Variants in ERBB4 observed in about 807,000 individuals in gnomAD.
The protein encoded by ERBB4 is erb-b2 receptor tyrosine kinase 4.
A neutral mutation model predicts 158.0 loss-of-function variants in ERBB4; 42 were observed. That is an observed-to-expected ratio of 0.27 (90% CI 0.21 to 0.34). ERBB4 has a LOEUF of 0.34. Among genes scored for constraint, ERBB4 ranks in the 10% least tolerant of loss-of-function variants. ERBB4 has a pLI of 1.00. For missense variants in ERBB4, 1,333 were observed against 1,624.1 expected, an observed-to-expected ratio of 0.82 and a Z score of 3.08; for synonymous variants, 583 against 558.7, an observed-to-expected ratio of 1.04 and a Z score of -0.61.
chr2:211,956,349 C>T (rs2081031878), intron 2 of ERBB4, among the ~76,000 whole-genome samples: 1 of 152,048 alleles, frequency 6.6e-6, no homozygotes, highest in Non-Finnish European at 1.5e-5. Context: ...GTTTTCGGCA[C>T]TTTCGTACAA....
At chr2:211,847,767 T>C (rs535162858) in intron 3 of ERBB4, among the ~76,000 whole-genome samples, 2 of 152,282 alleles carry the variant, frequency 1.3e-5, no homozygotes, top group African/African-American at 2.4e-5. Context: ...ATCACTTCTA[T>C]TACCAGTAGT....
chr2:211,535,088 AG>A (rs2125671322), intron 20 of ERBB4, among the ~76,000 whole-genome samples: 1 of 152,184 alleles, frequency 6.6e-6, no homozygotes, highest in East Asian at 1.9e-4. Flanking sequence ...TTATTGTTAC[AG>A]TCACCTTTGT....
chr2:212,106,749 T>A (rs969202557), intron 2 of ERBB4, among the ~76,000 whole-genome samples: 1 of 152,218 alleles, frequency 6.6e-6, no homozygotes, highest in African/African-American at 2.4e-5. Context: ...CCAGGGTCCC[T>A]CTGCTGTGTG....
At chr2:212,518,709 G>C (rs1162284906) in intron 1 of ERBB4, among the ~76,000 whole-genome samples, 2 of 151,986 alleles carry the variant, frequency 1.3e-5, no homozygotes, top group Non-Finnish European at 1.5e-5. Context: ...AGCCCAAGTT[G>C]TTAAATGCAC....
chr2:212,506,298 T>G (rs1691192169), intron 1 of ERBB4, among the ~76,000 whole-genome samples: 1 of 148,544 alleles, frequency 6.7e-6, no homozygotes, highest in Non-Finnish European at 1.5e-5. Flanking sequence ...AATTATAAAT[T>G]AGGCCAATTA....
intron 1 of ERBB4, among the ~76,000 whole-genome samples, chr2:212,400,611 TTTC>T (rs1420081680): frequency 6.6e-6 from 1 of 152,196 alleles, no homozygotes; most frequent in African/African-American, 2.4e-5. Flanking sequence ...TGAATAGATT[TTTC>T]TTATTATGTA....
intron 4 of ERBB4, among the ~76,000 whole-genome samples, chr2:211,755,111 C>T (rs1035938648): frequency 2.6e-5 from 4 of 152,178 alleles, no homozygotes; most frequent in East Asian, 1.9e-4. Flanking sequence ...CAAATTAGTA[C>T]GTCTTGTTAT....
chr2:212,010,186 C>T (rs2076351002), intron 2 of ERBB4, among the ~76,000 whole-genome samples: 1 of 152,050 alleles, frequency 6.6e-6, no homozygotes, highest in Admixed American at 6.6e-5. Context: ...TATCACAAAG[C>T]TATATAACCC....
At chr2:212,251,575 T>G (rs572441757) in intron 1 of ERBB4, among the ~76,000 whole-genome samples, 1 of 151,812 alleles carries the variant, frequency 6.6e-6, no homozygotes, top group African/African-American at 2.4e-5. Flanking sequence ...TTTGGGAAAC[T>G]AGATGAAGAA....
intron 1 of ERBB4, among the ~76,000 whole-genome samples, chr2:212,207,198 TA>T (rs1279790585): frequency 6.6e-6 from 1 of 152,112 alleles, no homozygotes; most frequent in Non-Finnish European, 1.5e-5. Context: ...GAAAACTTTT[TA>T]TTAAGGATAA....
At chr2:212,530,512 C>T (rs1162478231) in intron 1 of ERBB4, among the ~76,000 whole-genome samples, 1 of 152,110 alleles carries the variant, frequency 6.6e-6, no homozygotes, top group African/African-American at 2.4e-5. Flanking sequence ...CCCATGATCT[C>T]TATTAGGCAT....
intron 3 of ERBB4, among the ~76,000 whole-genome samples, chr2:211,817,231 C>T (rs2076897669): frequency 6.6e-6 from 1 of 152,014 alleles, no homozygotes; most frequent in African/African-American, 2.4e-5. Context: ...ATTAGTGTCC[C>T]CACATTGAAT....
At chr2:211,646,170 T>C (rs1228329025) in intron 16 of ERBB4, among the ~76,000 whole-genome samples, 4 of 151,616 alleles carry the variant, frequency 2.6e-5, no homozygotes, top group Admixed American at 6.6e-5. Flanking sequence ...TATTATCGTA[T>C]ATATGTATTA....
In ERBB4 at chr2:212,016,683, G is replaced by A. The variant is rs527510939; in HGVS notation, c.235-69067C>T. Among the ~76,000 whole-genome samples the A allele has an allele frequency of 2.0e-5, 3 of 152,042 alleles. No homozygotes were observed. The East Asian group carries it at 5.8e-4, about 29-fold the overall frequency. On this transcript the variant is annotated intron_variant, in intron 2 of 27. Transcript: ENST00000342788. Reference sequence around the variant, plus strand: ...ATGAAATTCTAGAAAAATAGGACCTGTATTTTATATTTTCAGTTAATAAGC... The same window carrying A: ...ATGAAATTCTAGAAAAATAGGACCTATATTTTATATTTTCAGTTAATAAGC...
chr2:211,812,017 C>G (rs1344530570), intron 3 of ERBB4, among the ~76,000 whole-genome samples: 1 of 152,210 alleles, frequency 6.6e-6, no homozygotes. Context: ...CCTTCTGAAG[C>G]CTCCTTCTGT....
chr2:211,867,181 A>G (rs1322639582), intron 3 of ERBB4, among the ~76,000 whole-genome samples: 1 of 152,172 alleles, frequency 6.6e-6, no homozygotes, highest in African/African-American at 2.4e-5. Flanking sequence ...GTTTCGCTCA[A>G]TGCAGATGAA....
At chr2:211,688,567 T>C (rs2072667239) in intron 12 of ERBB4, among the ~76,000 whole-genome samples, 1 of 152,210 alleles carries the variant, frequency 6.6e-6, no homozygotes, top group Admixed American at 6.5e-5. Flanking sequence ...GATTGTTTCA[T>C]GAGGCAGGGT....
In ERBB4 at chr2:212,319,757, T is replaced by A. The variant is rs147082345; in HGVS notation, c.83-194854A>T. 1.9e-3 allele frequency among the ~76,000 whole-genome samples: 284 copies of A among 150,540 alleles called. 4 individuals carry two copies. The highest frequency in any genetic ancestry group is 6.7e-3 in the African/African-American group (276 of 41,376). ...CCTCCTGTTTTCTTCTAAAGGCTGA[T>A]TTCCAAGTTAGTAAGCAATTAGAAT... On this transcript the variant is annotated intron_variant, in intron 1 of 27. Coordinates refer to ENST00000342788, the MANE Select transcript of ERBB4 (RefSeq NM_005235.3).
chr2:211,754,407 C>CCTTTTTT (rs113016160), intron 4 of ERBB4, among the ~76,000 whole-genome samples: 2 of 138,044 alleles, frequency 1.4e-5, no homozygotes, highest in African/African-American at 5.3e-5. Context: ...GCAATAATCC[C>CCTTTTTT]TTTTTTTTTT....
Sources: gnomAD v4.1 joint callset for allele counts (sites outside exome capture counted in the v4.1 genomes callset) on GRCh38, gnomAD v4.1.1 for gene constraint, MANE v1.5 for transcripts, NCBI Gene and HGNC (gene_info 2026-07-23, HGNC 2026-07-21) for gene names.